The following DNAJC3 variants were observed in gnomAD, a reference collection of about 807,000 sequenced individuals.
DNAJC3 encodes dnaJ homolog subfamily C member 3.
DNAJC3 carries 38 observed loss-of-function variants against 68.6 expected under a neutral mutation model. The ratio of observed to expected loss-of-function variants is 0.55; its 90% CI spans 0.43 to 0.73. The LOEUF is 0.73. Among genes scored for constraint, DNAJC3 ranks in the 30% least tolerant of loss-of-function variants. The pLI is 0.00. For synonymous variants in DNAJC3, 203 were observed against 204.0 expected (o/e 1.00, Z 0.04); for missense variants, 526 against 591.9 (o/e 0.89, Z 1.16).
Position 95,677,247 on chromosome 13 carries a change from C to A in DNAJC3, c.-9C>A, listed in dbSNP as rs552196345. ...ACCTTTCCTCCTCTTCACTCGCGAG[C>A]CCTCGGACATGGTGGCCCCCGGCTC... On this transcript the variant is annotated 5_prime_UTR_variant, in exon 1 of 12. Coordinates refer to ENST00000602402, the MANE Select transcript of DNAJC3 (RefSeq NM_006260.5). 2.6e-5 allele frequency: 41 copies of A among 1,601,752 alleles called. No homozygotes were observed. In the South Asian group the frequency reaches 3.7e-4, roughly 14 times the overall value.
At chr13:95,727,063 G>T (rs1162783937) in intron 4 of DNAJC3, among the ~76,000 whole-genome samples, 2 of 152,142 alleles carry the variant, frequency 1.3e-5, no homozygotes, top group Non-Finnish European at 2.9e-5. Flanking sequence ...GATAGTGCCG[G>T]AGTAATCTTT....
chr13:95,740,778 C>A (rs886188432), intron 4 of DNAJC3, among the ~76,000 whole-genome samples: 1 of 151,796 alleles, frequency 6.6e-6, no homozygotes, highest in Admixed American at 6.6e-5. Context: ...TCTTCTGCGT[C>A]GCTCACGCTG....
intron 4 of DNAJC3, among the ~76,000 whole-genome samples, chr13:95,730,581 A>G (rs576864519): frequency 6.0e-4 from 92 of 152,174 alleles, no homozygotes; most frequent in African/African-American, 2.0e-3. Context: ...CCTCTCCCCA[A>G]TGTATGTTCT....
chr13:95,732,537 C>T (rs1440736339), intron 4 of DNAJC3, among the ~76,000 whole-genome samples: 6 of 140,928 alleles, frequency 4.3e-5, no homozygotes, highest in African/African-American at 1.1e-4. Context: ...TTTTTGTTTC[C>T]GATTTTGATT....
chr13:95,704,851 G>GTTTTTTTTTTTTTTGTTTTTTTTTTTT (rs1880681827), intron 1 of DNAJC3, among the ~76,000 whole-genome samples: 1 of 97,860 alleles, frequency 1.0e-5, no homozygotes, highest in African/African-American at 6.0e-5. Context: ...GTGTGTGTGT[G>GTTTTTTTTTTTTTTGTTTTTTTTTTTT]TTTTTTTTTT....
intron 9 of DNAJC3, among the ~76,000 whole-genome samples, chr13:95,781,630 T>A (rs746445599): frequency 1.6e-4 from 25 of 152,156 alleles, no homozygotes; most frequent in Non-Finnish European, 3.4e-4. Context: ...TCCTCAAGAA[T>A]GTGAAGGGAA....
In DNAJC3 at chr13:95,752,862, G is replaced by A. The variant is rs75164128; in HGVS notation, c.394-4782G>A. On this transcript the variant is annotated intron_variant, in intron 4 of 11. Transcript: ENST00000602402. ...CTTTAAGGTTATGGGTATTTTTAGC[G>A]TGGCAGAGAAATTTGGCCTGTCCTG... 1.0e-3 allele frequency among the ~76,000 whole-genome samples: 154 copies of A among 152,234 alleles called. 4 individuals are homozygous for A. The East Asian group carries it at 0.023, about 23-fold the overall frequency.
intron 2 of DNAJC3, among the ~76,000 whole-genome samples, chr13:95,715,707 C>T (rs1390596461): frequency 1.3e-5 from 2 of 150,874 alleles, no homozygotes; most frequent in East Asian, 2.0e-4. Context: ...AGGATGGTCT[C>T]GATCTCTTGA....
At chr13:95,758,927 T>G (rs1882742735) in intron 5 of DNAJC3, among the ~76,000 whole-genome samples, 1 of 152,202 alleles carries the variant, frequency 6.6e-6, no homozygotes, top group Admixed American at 6.5e-5. Context: ...TTTTACTGGG[T>G]TATTTTGTTT....
intron 11 of DNAJC3, among the ~76,000 whole-genome samples, chr13:95,788,261 T>A (rs1257241108): frequency 6.6e-6 from 1 of 152,258 alleles, no homozygotes; most frequent in East Asian, 1.9e-4. Flanking sequence ...ACAACCTGCC[T>A]TAAGCAGTTC....
intron 2 of DNAJC3, among the ~76,000 whole-genome samples, chr13:95,722,163 G>GC (rs1566483605): frequency 2.0e-5 from 3 of 152,166 alleles, no homozygotes; most frequent in Non-Finnish European, 4.4e-5. Flanking sequence ...CTTCGTAGGT[G>GC]CTGATAAGCA....
chr13:95,694,963 A>G (rs754404901), intron 1 of DNAJC3: 1 of 152,616 alleles, frequency 6.6e-6, no homozygotes, highest in Non-Finnish European at 1.5e-5. Flanking sequence ...TATAGGCTAC[A>G]TACTCCCATG....
At position 95,717,565 on chromosome 13, in the gene DNAJC3, G is replaced by A. The variant is rs143735977; in HGVS notation, c.194-5677G>A. 5.3e-3 allele frequency among the ~76,000 whole-genome samples: 804 copies of A among 152,282 alleles called. 9 individuals are homozygous for A. The highest frequency in any genetic ancestry group is 0.019 in the African/African-American group (771 of 41,538). ...CGTATCTAGATGATATGGTTTGGCTGTGTCCCCACCCAAATCTCGAATTGT... is the reference window on the plus strand; with the variant it reads ...CGTATCTAGATGATATGGTTTGGCTATGTCCCCACCCAAATCTCGAATTGT... On this transcript the variant is annotated intron_variant, in intron 2 of 11. Transcript: ENST00000602402.
At position 95,757,740 on chromosome 13, in the gene DNAJC3, G is replaced by A. The variant is rs767370853; in HGVS notation, c.490G>A (p.Ala164Thr). 8.3e-6 allele frequency: 13 copies of A among 1,575,500 alleles called. No individual in the cohort carries two copies. The highest frequency in any genetic ancestry group is 5.4e-5 in the African/African-American group (4 of 74,484). The change falls in exon 5 of 12, where the codon GCT (alanine) becomes ACT (threonine). Residue 164 changes from alanine (A) to threonine (T), a missense_variant. Transcript: ENST00000602402. Reference protein sequence around the residue: ...MQRLRSQALNAFGSGDYTAAI... With the variant: ...MQRLRSQALNTFGSGDYTAAI... The stretch of plus-strand genomic sequence containing the variant: ...GCGTTTGCGTTCACAAGCACTTAAC[G>A]CTTTTGGAAGTGGAGATTATACTGC...
intron 4 of DNAJC3, among the ~76,000 whole-genome samples, chr13:95,754,761 C>T (rs550976638): frequency 2.0e-4 from 30 of 152,170 alleles, no homozygotes; most frequent in Admixed American, 1.6e-3. Flanking sequence ...TACCATGAGG[C>T]GAGGATCACT....
intron 1 of DNAJC3, among the ~76,000 whole-genome samples, chr13:95,678,160 G>A (rs1036962504): frequency 1.3e-5 from 2 of 152,194 alleles, no homozygotes; most frequent in African/African-American, 4.8e-5. Flanking sequence ...AAAGTTGATA[G>A]TGCCGATTTA....
chr13:95,759,164 TCC>T (rs1882748676), intron 5 of DNAJC3, among the ~76,000 whole-genome samples: 1 of 152,240 alleles, frequency 6.6e-6, no homozygotes, highest in Admixed American at 6.5e-5. Flanking sequence ...CTATTGTGTT[TCC>T]TAAACCCTTA....
At chr13:95,721,159 T>C (rs1566483095) in intron 2 of DNAJC3, among the ~76,000 whole-genome samples, 1 of 152,210 alleles carries the variant, frequency 6.6e-6, no homozygotes, top group African/African-American at 2.4e-5. Context: ...TCATACAGTA[T>C]TTTCCTTTTG....
chr13:95,710,238 T>TTTTC (rs1880913782), intron 2 of DNAJC3, among the ~76,000 whole-genome samples: 1 of 151,356 alleles, frequency 6.6e-6, no homozygotes, highest in African/African-American at 2.4e-5. Flanking sequence ...CTTTTCTTTT[T>TTTTC]TTTTTTTTTT....
Sources: gnomAD v4.1 joint callset for allele counts (sites outside exome capture counted in the v4.1 genomes callset) on GRCh38, gnomAD v4.1.1 for gene constraint, MANE v1.5 for transcripts, NCBI Gene and HGNC (gene_info 2026-07-23, HGNC 2026-07-21) for gene names.